Variants in ZNF705G observed in about 807,000 individuals in gnomAD.
ZNF705G encodes zinc finger protein 705G, also known as putative zinc finger protein 705G.
In ZNF705G, 23 loss-of-function variants were observed where a neutral mutation model predicts 19.6. The ratio of observed to expected loss-of-function variants is 1.17; its 90% CI spans 0.84 to 1.66. ZNF705G has a LOEUF of 1.66. ZNF705G is among the 40% of genes most tolerant of loss of function. ZNF705G has a pLI of 0.00. For synonymous variants in ZNF705G, 146 were observed against 117.7 expected (o/e 1.24, Z -1.56); for missense variants, 457 against 354.4 (o/e 1.29, Z -2.32).
intron 2 of ZNF705G, among the ~76,000 whole-genome samples, chr8:7,365,447 C>G (rs1806813038): frequency 6.9e-6 from 1 of 144,118 alleles, no homozygotes; most frequent in Non-Finnish European, 1.5e-5. Context: ...GGCGCGATCT[C>G]GGCTCACCGC....
intron 2 of ZNF705G, among the ~76,000 whole-genome samples, chr8:7,380,190 G>A (rs1807425761): frequency 7.0e-6 from 1 of 142,856 alleles, no homozygotes. Context: ...GCCCCCAGGA[G>A]CAGGGCCACT....
At position 7,384,591 on chromosome 8, in the gene ZNF705G, C is replaced by G. The variant is rs1320907184; in HGVS notation, c.-222+907G>C. Among the ~76,000 whole-genome samples, 5 of 145,776 alleles carry G rather than the reference C, an allele frequency of 3.4e-5. 2 individuals are homozygous for G. The highest frequency in any genetic ancestry group is 1.4e-4 in the African/African-American group (5 of 35,372). ...CTTTCCTCCATAAAGCCTGGAATGT[C>G]TCAAAAAAATCCCTAAAATTTAAAA... On this transcript the variant is annotated intron_variant, in intron 1 of 6. Transcript: ENST00000400156.
chr8:7,370,910 G>A (rs1370050107), intron 2 of ZNF705G, among the ~76,000 whole-genome samples: 4 of 121,402 alleles, frequency 3.3e-5, no homozygotes, highest in Non-Finnish European at 6.7e-5. Flanking sequence ...CATGTTCTTT[G>A]CAGGAACATG....
chr8:7,360,160 C>T lies in ZNF705G; in HGVS notation c.235+77G>A. Reference sequence around the variant, plus strand: ...GAAATTATCACTCATTTAATAAAACCACTAATTAATATTCAACTGATATTA... The same window carrying T: ...GAAATTATCACTCATTTAATAAAACTACTAATTAATATTCAACTGATATTA... On this transcript the variant is annotated intron_variant, in intron 5 of 6. Transcript: ENST00000400156. The T allele has an allele frequency of 2.7e-6, 4 of 1,459,138 alleles. No individual in the cohort carries two copies. In the Admixed American group the frequency reaches 7.2e-5, roughly 26 times the overall value. 90.4% of individuals were successfully genotyped at this position (1,459,138 alleles called of 1,614,324 possible).
chr8:7,363,202 G>C (rs1033411914), intron 2 of ZNF705G, among the ~76,000 whole-genome samples, 185 bp from the exon 3 acceptor site: 1 of 148,970 alleles, frequency 6.7e-6, no homozygotes, highest in Non-Finnish European at 1.5e-5. Context: ...CTATGACTAT[G>C]GTTGCTAATA....
intron 2 of ZNF705G, among the ~76,000 whole-genome samples, chr8:7,364,087 T>G (rs1205314608): frequency 6.7e-6 from 1 of 149,468 alleles, no homozygotes; most frequent in Non-Finnish European, 1.5e-5. Context: ...ATTCTTGCAA[T>G]CATGGTTTAT....
chr8:7,370,184 T>G (rs541864348), intron 2 of ZNF705G, among the ~76,000 whole-genome samples: 2 of 147,270 alleles, frequency 1.4e-5, no homozygotes, highest in East Asian at 1.9e-4. Context: ...GGCAGGAGAA[T>G]GACGTGAACC....
chr8:7,382,083 T>G (rs1183367256), intron 1 of ZNF705G, among the ~76,000 whole-genome samples: 3 of 151,986 alleles, frequency 2.0e-5, no homozygotes, highest in African/African-American at 4.8e-5. Context: ...CTGAGCTACC[T>G]GCAAATGCCT....
chr8:7,383,086 T>C (rs1281394155), intron 1 of ZNF705G, among the ~76,000 whole-genome samples: 32 of 148,300 alleles, frequency 2.2e-4, no homozygotes, highest in Non-Finnish European at 4.1e-4. Flanking sequence ...ATTCTGTAAA[T>C]GGAAATTACA....
chr8:7,359,254 G>A (rs1236761739), intron 6 of ZNF705G, among the ~76,000 whole-genome samples: 1 of 149,688 alleles, frequency 6.7e-6, no homozygotes, highest in Non-Finnish European at 1.5e-5. Context: ...TAAAATGATT[G>A]AGACTTGTCT....
At chr8:7,384,204 T>C (rs1433504407) in intron 1 of ZNF705G, among the ~76,000 whole-genome samples, 4 of 138,604 alleles carry the variant, frequency 2.9e-5, no homozygotes, top group Non-Finnish European at 5.9e-5. Flanking sequence ...AACTGAGTGA[T>C]CTTGTGCAAA....
chr8:7,364,076 A>T (rs1304768494), intron 2 of ZNF705G, among the ~76,000 whole-genome samples: 1 of 149,458 alleles, frequency 6.7e-6, no homozygotes, highest in Non-Finnish European at 1.5e-5. Context: ...TGGTATCTAA[A>T]ATTCTTGCAA....
rs531908820 is a variant in ZNF705G, at chr8:7,356,842, T to C, written c.*1134A>G. 3.1e-4 allele frequency: 47 copies of C among 150,124 alleles called. 5 individuals are homozygous for C. Among genetic ancestry groups the C allele is most frequent in the African/African-American group, 7.6e-4 (30 of 39,470 alleles). The allele number at this position is 150,124 out of a possible 1,614,324, so 9.3% of individuals were successfully genotyped here. ...TTCTTTCAATATTTGTAAGTATTGA[T>C]CTTTTGGAAAAGTTTAATGAGATTT... On this transcript the variant is annotated 3_prime_UTR_variant, in exon 7 of 7. Coordinates refer to ENST00000400156, the MANE Select transcript of ZNF705G (RefSeq NM_001164457.3).
Position 7,384,477 on chromosome 8 carries a change from A to G in ZNF705G, c.-222+1021T>C, listed in dbSNP as rs1286197599. 1.4e-5 allele frequency among the ~76,000 whole-genome samples: 2 copies of G among 145,860 alleles called. 1 individual carries two copies. Among genetic ancestry groups the G allele is most frequent in the African/African-American group, 5.6e-5 (2 of 35,412 alleles). The stretch of plus-strand genomic sequence containing the variant: ...CAAACATGAAAAAAAGCTCATCATC[A>G]CTGGTCATTAGAGAAATGCAAATGA... On this transcript the variant is annotated intron_variant, in intron 1 of 6. Transcript: ENST00000400156.
At chr8:7,364,793 G>A (rs1196770972) in intron 2 of ZNF705G, among the ~76,000 whole-genome samples, 2 of 149,340 alleles carry the variant, frequency 1.3e-5, no homozygotes, top group South Asian at 2.1e-4. Flanking sequence ...AGTAACATAT[G>A]ACTCCATCTG....
chr8:7,361,583 T>A (rs1806598684), intron 3 of ZNF705G, among the ~76,000 whole-genome samples: 1 of 149,916 alleles, frequency 6.7e-6, no homozygotes, highest in Middle Eastern at 3.4e-3. Flanking sequence ...GAATTTCAAG[T>A]AAATTACAGA....
At chr8:7,368,864 C>A (rs1460350920) in intron 2 of ZNF705G, among the ~76,000 whole-genome samples, 2 of 149,534 alleles carry the variant, frequency 1.3e-5, no homozygotes, top group South Asian at 2.1e-4. Context: ...AGGGTGCAAG[C>A]CACAAGCCTT....
At chr8:7,363,657 G>T (rs1173751253) in intron 2 of ZNF705G, among the ~76,000 whole-genome samples, 1 of 149,272 alleles carries the variant, frequency 6.7e-6, no homozygotes, top group Admixed American at 6.6e-5. Flanking sequence ...CCCGTCTGTA[G>T]TAAAAATACA....
At position 7,360,259 on chromosome 8, in the gene ZNF705G, T is replaced by C; in HGVS notation, c.213A>G (p.Val71=). The change falls in exon 5 of 7, where the codon GTA becomes GTG. Residue 71 remains valine, a synonymous_variant. Coordinates refer to ENST00000400156, the MANE Select transcript of ZNF705G (RefSeq NM_001164457.3). The part of the protein sequence containing the change: ...QGKELWREGR[V]FLQDQNPNRE... ...TACTTGGATTCTGGTCTTGAAGAAA[T>C]ACTCTTCCTTCCCTCCACAGCTCTT... is the stretch of plus-strand genomic sequence containing the variant. 1 of 1,592,266 alleles carries C rather than the reference T, an allele frequency of 6.3e-7. No individual in the cohort carries two copies. The highest frequency in any genetic ancestry group is 8.5e-7 in the Non-Finnish European group (1 of 1,179,166).
Sources: gnomAD v4.1 joint callset for allele counts (sites outside exome capture counted in the v4.1 genomes callset) on GRCh38, gnomAD v4.1.1 for gene constraint, MANE v1.5 for transcripts, NCBI Gene and HGNC (gene_info 2026-07-23, HGNC 2026-07-21) for gene names.